DEUP1: variants seen among roughly 807,000 people sequenced by gnomAD.
DEUP1 encodes the protein deuterosome assembly protein 1.
A neutral mutation model predicts 87.4 loss-of-function variants in DEUP1; 82 were observed. That is an observed-to-expected ratio of 0.94 (90% CI 0.78 to 1.13). The LOEUF (loss-of-function observed/expected upper bound fraction) is 1.13. Among genes scored for constraint, DEUP1 ranks in the 50% most tolerant of loss-of-function variants. DEUP1 has a pLI of 0.00. For synonymous variants in DEUP1, 214 were observed against 222.7 expected (o/e 0.96, Z 0.35); for missense variants, 663 against 681.5 (o/e 0.97, Z 0.30).
intron 12 of DEUP1, among the ~76,000 whole-genome samples, chr11:93,412,165 G>C (rs1947454012): frequency 6.6e-6 from 1 of 152,166 alleles, no homozygotes; most frequent in South Asian, 2.1e-4. Context: ...TGGAGGGACA[G>C]GACTGGATGT....
intron 8 of DEUP1, among the ~76,000 whole-genome samples, chr11:93,386,916 A>G (rs911588746): frequency 1.3e-5 from 2 of 152,208 alleles, no homozygotes; most frequent in Non-Finnish European, 2.9e-5. Flanking sequence ...TGTGAAGAGC[A>G]TTGTAGGTAC....
At chr11:93,365,517 T>C (rs974886573) in intron 5 of DEUP1, among the ~76,000 whole-genome samples, 1 of 152,138 alleles carries the variant, frequency 6.6e-6, no homozygotes, top group African/African-American at 2.4e-5. Flanking sequence ...ATTGAGTCAC[T>C]AATATTCCAT....
At chr11:93,341,181 G>A (rs1458494076) in intron 2 of DEUP1, among the ~76,000 whole-genome samples, 2 of 152,000 alleles carry the variant, frequency 1.3e-5, no homozygotes, top group African/African-American at 2.4e-5. Context: ...GCTTTGGAAG[G>A]CCAAGGCAGG....
chr11:93,433,599 T>C lies in DEUP1; in HGVS notation c.1639-3944T>C, dbSNP rs370786222. 3.3e-4 allele frequency among the ~76,000 whole-genome samples: 51 copies of C among 152,344 alleles called. No homozygotes were observed. The East Asian group carries it at 5.6e-3, about 17-fold the overall frequency. ...CTTAATGGCTTCCTTTACCTTTTTCTCTTTCTCAGTAAATGGCATGAGTGT... is the reference window on the plus strand; with the variant it reads ...CTTAATGGCTTCCTTTACCTTTTTCCCTTTCTCAGTAAATGGCATGAGTGT... On this transcript the variant is annotated intron_variant, in intron 13 of 13. Coordinates refer to ENST00000298050, the MANE Select transcript of DEUP1 (RefSeq NM_181645.4).
chr11:93,356,523 A>T (rs1301035420), intron 3 of DEUP1, among the ~76,000 whole-genome samples: 2 of 152,106 alleles, frequency 1.3e-5, no homozygotes, highest in East Asian at 3.9e-4. Flanking sequence ...TTTCTTTTTA[A>T]TGTATTAGTT....
intron 8 of DEUP1, among the ~76,000 whole-genome samples, chr11:93,387,255 A>T (rs1173677798): frequency 6.6e-6 from 1 of 152,124 alleles, no homozygotes; most frequent in African/African-American, 2.4e-5. Flanking sequence ...TCTCATATGA[A>T]TGCTGTTCTA....
At chr11:93,418,818 G>T (rs1215644510) in intron 13 of DEUP1, among the ~76,000 whole-genome samples, 1 of 152,222 alleles carries the variant, frequency 6.6e-6, no homozygotes, top group African/African-American at 2.4e-5. Flanking sequence ...TTAAGAAAAT[G>T]TGGCACATAT....
Position 93,373,615 on chromosome 11 carries a change from A to G in DEUP1, c.789+2335A>G, listed in dbSNP as rs11499627. Among the ~76,000 whole-genome samples, 223 of 32,246 alleles carry G rather than the reference A, an allele frequency of 6.9e-3. 1 individual carries two copies. In the East Asian group the frequency reaches 0.15, roughly 22 times the overall value. 21.2% of individuals were successfully genotyped at this position (32,246 alleles called of 152,430 possible). Reference sequence around the variant, plus strand: ...TATACGTATATATATTTATATATGTATATATATACGTATATATATATATAT... The same window carrying G: ...TATACGTATATATATTTATATATGTGTATATATACGTATATATATATATAT... On this transcript the variant is annotated intron_variant, in intron 7 of 13. Transcript: ENST00000298050.
intron 11 of DEUP1, among the ~76,000 whole-genome samples, chr11:93,402,950 C>G (rs1450158225): frequency 6.6e-6 from 1 of 151,756 alleles, no homozygotes; most frequent in East Asian, 1.9e-4. Flanking sequence ...TTGTTCAACA[C>G]TAGGTAACAT....
At position 93,396,226 on chromosome 11, in the gene DEUP1, C is replaced by T. The variant is rs1369766615; in HGVS notation, c.1240-13C>T. 1.3e-6 allele frequency: 2 copies of T among 1,495,502 alleles called. No homozygotes were observed. Among genetic ancestry groups the T allele is most frequent in the East Asian group, 2.4e-5 (1 of 41,892 alleles). The allele number at this position is 1,495,502 out of a possible 1,614,324, so 92.6% of individuals were successfully genotyped here. A position where few individuals can be genotyped will look rare whatever the true frequency, so the allele number is the denominator to read the frequency against. On this transcript the variant is annotated splice_polypyrimidine_tract_variant and intron_variant, in intron 10 of 13. Transcript: ENST00000298050. ...TATGAATTTTACATTTGCCTTTTATCTGCTAATTTCAGGTCTCAGATATGA... is the reference window on the plus strand; with the variant it reads ...TATGAATTTTACATTTGCCTTTTATTTGCTAATTTCAGGTCTCAGATATGA...
At chr11:93,330,045 C>T (rs547688793), upstream of DEUP1, 1 of 152,314 alleles carries the variant, frequency 6.6e-6, no homozygotes, top group East Asian at 1.9e-4. Flanking sequence ...GTCCGTTCGC[C>T]TGACTGGCAG....
intron 2 of DEUP1, among the ~76,000 whole-genome samples, chr11:93,349,282 C>G (rs1944512011): frequency 6.6e-6 from 1 of 152,152 alleles, no homozygotes; most frequent in South Asian, 2.1e-4. Context: ...AAATACACAG[C>G]TCTACCATTG....
chr11:93,343,518 A>G (rs1944181769), intron 2 of DEUP1, among the ~76,000 whole-genome samples: 1 of 152,234 alleles, frequency 6.6e-6, no homozygotes, highest in African/African-American at 2.4e-5. Flanking sequence ...TTAGAAAAAT[A>G]TAAAGATCGC....
rs934418960 is a variant in DEUP1 at position 93,363,821 on chromosome 11, G to A, written c.298-339G>A. Among the ~76,000 whole-genome samples, 7 of 151,680 alleles carry A rather than the reference G, an allele frequency of 4.6e-5. No individual in the cohort carries two copies. The East Asian group carries it at 9.6e-4, about 21-fold the overall frequency. ...GGATTTAAAATTGTAAACACAAGAC[G>A]GCACTAACTAAAAGTAAGAAAAAAA... On this transcript the variant is annotated intron_variant, in intron 4 of 13. Coordinates refer to ENST00000298050, the MANE Select transcript of DEUP1 (RefSeq NM_181645.4).
At chr11:93,417,790 G>T (rs1282970378) in intron 13 of DEUP1, among the ~76,000 whole-genome samples, 15 of 151,716 alleles carry the variant, frequency 9.9e-5, no homozygotes, top group African/African-American at 3.6e-4. Flanking sequence ...ATACTACAAG[G>T]CTACAGTAAC....
At chr11:93,408,459 T>C in intron 12 of DEUP1, 32 bp downstream of exon 12, 1 of 1,264,338 alleles carries the variant, frequency 7.9e-7, no homozygotes, top group Non-Finnish European at 1.1e-6. Flanking sequence ...AGGGCATAAG[T>C]TTAAAAACAT....
intron 12 of DEUP1, 30 bp downstream of exon 12, chr11:93,408,457 A>C (rs199723582): frequency 1.5e-6 from 2 of 1,318,676 alleles, no homozygotes; most frequent in East Asian, 5.2e-5. Context: ...TAAGGGCATA[A>C]GTTTAAAAAC....
At position 93,355,495 on chromosome 11, in the gene DEUP1, C is replaced by CA. The variant is rs1426090720; in HGVS notation, c.156dup (p.Glu53ArgfsTer30). On this transcript the variant is annotated frameshift_variant, in exon 3 of 14. Transcript: ENST00000298050. LOFTEE classifies it high-confidence loss of function. ...GGAGACACGATTAGATCTTCGGGAT[C>CA]AAGAATTGGCAAATGCACAAACTTG... 2 of 1,613,692 alleles carry CA rather than the reference C, an allele frequency of 1.2e-6. No homozygotes were observed.
chr11:93,416,868 G>A (rs1385307535), intron 13 of DEUP1, among the ~76,000 whole-genome samples: 1 of 151,974 alleles, frequency 6.6e-6, no homozygotes, highest in African/African-American at 2.4e-5. Context: ...TGCAAGGCTG[G>A]TTCAATATAC....
Sources: gnomAD v4.1 joint callset for allele counts (sites outside exome capture counted in the v4.1 genomes callset) on GRCh38, gnomAD v4.1.1 for gene constraint, MANE v1.5 for transcripts, NCBI Gene and HGNC (gene_info 2026-07-23, HGNC 2026-07-21) for gene names.